DLG5: variants seen among roughly 807,000 people sequenced by gnomAD.
DLG5 encodes the protein disks large homolog 5.
Under a neutral mutation model 189.8 loss-of-function variants are expected in DLG5, and 48 were observed. That is an observed-to-expected ratio of 0.25 (90% CI 0.20 to 0.32). The LOEUF (loss-of-function observed/expected upper bound fraction) is 0.32. Ranked by LOEUF, DLG5 falls within the 10% of genes least tolerant of loss-of-function variation. The pLI is 1.00. For missense variants in DLG5, 2,160 were observed against 2,544.7 expected (o/e 0.85, Z 3.25); for synonymous variants, 1,016 against 1,054.1 (o/e 0.96, Z 0.70).
At chr10:77,866,507 CCTT>C (rs1441834200) in intron 2 of DLG5, among the ~76,000 whole-genome samples, 2 of 152,154 alleles carry the variant, frequency 1.3e-5, no homozygotes, top group African/African-American at 2.4e-5. Context: ...AAGAACCCCG[CCTT>C]CTTCTTCTGC....
At chr10:77,820,093 C>T in intron 15 of DLG5, 75 bp from the exon 16 acceptor site, 1 of 1,585,376 alleles carries the variant, frequency 6.3e-7, no homozygotes, top group Non-Finnish European at 8.5e-7. Flanking sequence ...CACCTATAAT[C>T]CCAGCACTCT....
chr10:77,816,943 C>T (rs1201895858), intron 19 of DLG5, 64 bp downstream of exon 19: 20 of 1,557,332 alleles, frequency 1.3e-5, no homozygotes, highest in Non-Finnish European at 1.7e-5. Flanking sequence ...AGCCCAGAGA[C>T]TCCACCATGA....
At position 77,846,446 on chromosome 10, in the gene DLG5, C is replaced by T. The variant is rs1480678513; in HGVS notation, c.865-2740G>A. 2.0e-5 allele frequency among the ~76,000 whole-genome samples: 3 copies of T among 152,180 alleles called. No individual in the cohort carries two copies. In the East Asian group the frequency reaches 5.8e-4, roughly 29 times the overall value. On this transcript the variant is annotated intron_variant, in intron 5 of 31. Transcript: ENST00000372391. ...GGGCGCAGTGGCTCACGCCTGTAAT[C>T]CCAGCACTTTGGGAGGCCGAGGTGA...
At chr10:77,934,842 C>CTTTTTTTTTTTTTTTTTT in the DLG5 span, among the ~76,000 whole-genome samples, 1 of 145,032 alleles carries the variant, frequency 6.9e-6, no homozygotes, top group African/African-American at 2.7e-5. Flanking sequence ...GGGTGCTGTT[C>CTTTTTTTTTTTTTTTTTT]TTTTTTTTTG....
chr10:77,853,021 C>T (rs896858644), intron 5 of DLG5, among the ~76,000 whole-genome samples: 3 of 152,098 alleles, frequency 2.0e-5, no homozygotes, highest in Non-Finnish European at 2.9e-5. Context: ...CTCACTCCTT[C>T]GCCCAAGCTG....
At chr10:77,862,761 C>T (rs951820923) in intron 2 of DLG5, among the ~76,000 whole-genome samples, 5 of 152,136 alleles carry the variant, frequency 3.3e-5, no homozygotes, top group South Asian at 2.1e-4. Context: ...CAACTGCGGA[C>T]ACACACAGGG....
At chr10:77,935,565 T>C in the DLG5 span, among the ~76,000 whole-genome samples, 4,326 of 151,796 alleles carry the variant, frequency 0.028, 136 homozygotes, top group Non-Finnish European at 0.036. Context: ...GAGAAACAGA[T>C]CCTGGCGGTC....
intron 13 of DLG5, among the ~76,000 whole-genome samples, chr10:77,825,374 CCACACACACACACACACA>C (rs59102694): frequency 6.1e-5 from 8 of 130,816 alleles, no homozygotes; most frequent in South Asian, 5.3e-4. Context: ...CCACACACAA[CCACACACACACACACACA>C]CACACACACA....
chr10:77,852,382 TAAATA>T (rs1213277189), intron 5 of DLG5, among the ~76,000 whole-genome samples: 7 of 151,550 alleles, frequency 4.6e-5, no homozygotes, highest in Non-Finnish European at 1.0e-4. Context: ...AAAAAATAAA[TAAATA>T]AAATAACAGG....
the DLG5 span, among the ~76,000 whole-genome samples, chr10:77,936,441 CAA>C: frequency 3.4e-5 from 3 of 87,846 alleles, no homozygotes; most frequent in Admixed American, 1.2e-4. Flanking sequence ...CGTCTCAAAA[CAA>C]AACAAAAAAA....
chr10:77,908,192 G>T (rs1055038642), intron 1 of DLG5, among the ~76,000 whole-genome samples: 1 of 152,156 alleles, frequency 6.6e-6, no homozygotes, highest in African/African-American at 2.4e-5. Context: ...ACTCCCCAGA[G>T]GACACACCAA....
At position 77,806,924 on chromosome 10, in the gene DLG5, G is replaced by A. The variant is rs199509838; in HGVS notation, c.4801C>T (p.Leu1601=). The change falls in exon 26 of 32, where the codon CTG becomes TTG. Residue 1601 remains leucine (L), a synonymous_variant. Coordinates refer to ENST00000372391, the MANE Select transcript of DLG5 (RefSeq NM_004747.4). ...LPGDSFYIRA[L]YDRLADVEQE... is the part of the protein sequence containing the mutation. The stretch of plus-strand genomic sequence containing the variant: ...TCCACATCTGCCAGCCGGTCGTACA[G>A]GGCCCTGGACCACAGCACAGAAGGA... The A allele has an allele frequency of 6.2e-7, 1 of 1,613,130 alleles. No homozygotes were observed. Among genetic ancestry groups the A allele is most frequent in the Admixed American group, 1.7e-5 (1 of 60,010 alleles).
intron 2 of DLG5, among the ~76,000 whole-genome samples, chr10:77,858,696 G>A (rs191296569): frequency 4.0e-4 from 61 of 152,254 alleles, no homozygotes; most frequent in African/African-American, 1.3e-3. Context: ...ACCTAATGAC[G>A]TCTTGTTGAT....
rs1001759227 is a variant in DLG5 at position 77,816,649 on chromosome 10, G to A, written c.3927C>T (p.Ile1309=). 7.4e-6 allele frequency: 12 copies of A among 1,613,904 alleles called. No homozygotes were observed. The highest frequency in any genetic ancestry group is 2.7e-5 in the African/African-American group (2 of 74,936). The change falls in exon 20 of 32, where the codon ATC becomes ATT. Residue 1309 remains isoleucine, a synonymous_variant. Transcript: ENST00000372391. ...CSTPPQSPLN[I]DTLSSCSQSQ... The stretch of plus-strand genomic sequence containing the variant: ...ACTGGCTACAAGAGGACAGGGTGTC[G>A]ATGTTCAGGGGTGACTGTGGAGGAG...
intron 30 of DLG5, 127 bp downstream of exon 30, chr10:77,794,722 A>G: frequency 1.5e-6 from 1 of 687,860 alleles, no homozygotes. Context: ...CGTACTGCCT[A>G]TTTCAAGACC....
intron 20 of DLG5, among the ~76,000 whole-genome samples, chr10:77,815,160 G>A (rs887748612): frequency 4.6e-5 from 7 of 152,150 alleles, no homozygotes; most frequent in African/African-American, 1.7e-4. Context: ...GGAAGGTCCC[G>A]TCCTCTCTGT....
At chr10:77,873,652 C>T (rs1306338332) in intron 1 of DLG5, among the ~76,000 whole-genome samples, 1 of 152,170 alleles carries the variant, frequency 6.6e-6, no homozygotes, top group Non-Finnish European at 1.5e-5. Context: ...CCAACACACC[C>T]CTTCCATTCA....
At chr10:77,939,579 G>A in the DLG5 span, among the ~76,000 whole-genome samples, 2 of 152,192 alleles carry the variant, frequency 1.3e-5, no homozygotes, top group Admixed American at 6.5e-5. Context: ...AGCCTGCTCA[G>A]GATCATGAAG....
chr10:77,805,641 T>C (rs538894922), intron 27 of DLG5, 24 bp downstream of exon 27: 5 of 1,590,502 alleles, frequency 3.1e-6, no homozygotes, highest in East Asian at 4.5e-5. Flanking sequence ...GAGAGCCCAC[T>C]GGAAAATGAG....
Sources: gnomAD v4.1 joint callset for allele counts (sites outside exome capture counted in the v4.1 genomes callset) on GRCh38, gnomAD v4.1.1 for gene constraint, MANE v1.5 for transcripts, NCBI Gene and HGNC (gene_info 2026-07-23, HGNC 2026-07-21) for gene names.